CCSER1: variants seen among roughly 807,000 people sequenced by gnomAD.
CCSER1 encodes the protein coiled-coil serine rich protein 1.
Under a neutral mutation model 82.0 loss-of-function variants are expected in CCSER1, and 41 were observed. The ratio of observed to expected loss-of-function variants is 0.50; its 90% CI spans 0.39 to 0.65. The LOEUF (loss-of-function observed/expected upper bound fraction) is 0.65, where lower values mean the gene tolerates loss of function less well. Ranked by LOEUF, CCSER1 falls within the 30% of genes least tolerant of loss-of-function variation. The pLI is 0.00. For missense variants in CCSER1, 1,119 were observed against 1,064.2 expected, an observed-to-expected ratio of 1.05 and a Z score of -0.72; for synonymous variants, 414 against 383.9, an observed-to-expected ratio of 1.08 and a Z score of -0.92.
At chr4:91,106,398 A>G (rs1262525630) in intron 10 of CCSER1, among the ~76,000 whole-genome samples, 1 of 152,236 alleles carries the variant, frequency 6.6e-6, no homozygotes, top group Non-Finnish European at 1.5e-5. Context: ...ACTATGACTT[A>G]TAAGGAGAGA....
At chr4:91,510,854 T>C (rs1759781129) in intron 10 of CCSER1, among the ~76,000 whole-genome samples, 1 of 152,174 alleles carries the variant, frequency 6.6e-6, no homozygotes, top group African/African-American at 2.4e-5. Flanking sequence ...TTCTTGTAAA[T>C]GCTTTAGAAC....
chr4:91,280,823 A>G (rs1189691203), intron 10 of CCSER1, among the ~76,000 whole-genome samples: 1 of 152,134 alleles, frequency 6.6e-6, no homozygotes, highest in Non-Finnish European at 1.5e-5. Flanking sequence ...GGCTGTGGGA[A>G]GGGAATGTCA....
At chr4:91,089,195 G>A (rs369034636) in intron 10 of CCSER1, among the ~76,000 whole-genome samples, 29 of 152,268 alleles carry the variant, frequency 1.9e-4, no homozygotes, top group African/African-American at 6.0e-4. Context: ...CAATCTAGGC[G>A]GTATGTGACA....
chr4:90,841,136 C>CAGT (rs76663545), intron 8 of CCSER1, among the ~76,000 whole-genome samples: 41,115 of 151,840 alleles, frequency 0.27, 5,862 homozygotes, highest in South Asian at 0.33. Flanking sequence ...CTGAAAACCT[C>CAGT]AGCCAATGTA....
chr4:91,300,777 G>A (rs536536739), intron 10 of CCSER1, among the ~76,000 whole-genome samples: 6 of 151,816 alleles, frequency 4.0e-5, no homozygotes, highest in Admixed American at 2.6e-4. Context: ...TCGCCAAAGA[G>A]AATTTTCAAA....
At chr4:90,853,395 C>T (rs929333330) in intron 8 of CCSER1, among the ~76,000 whole-genome samples, 3 of 151,988 alleles carry the variant, frequency 2.0e-5, no homozygotes, top group South Asian at 2.1e-4. Flanking sequence ...TCCTATAATT[C>T]GTTTTAGTGA....
At chr4:90,727,111 A>G in intron 7 of CCSER1, 2 of 376,914 alleles carry the variant, frequency 5.3e-6, no homozygotes, top group Non-Finnish European at 1.0e-5. Flanking sequence ...AAGAACTGTC[A>G]GATTCTTTTA....
intron 7 of CCSER1, among the ~76,000 whole-genome samples, chr4:90,784,664 GAAC>G (rs897188248): frequency 2.0e-5 from 3 of 152,058 alleles, no homozygotes; most frequent in Admixed American, 6.5e-5. Flanking sequence ...TTTGACCCTT[GAAC>G]AACAAGGGAG....
Position 91,598,646 on chromosome 4 carries a change from G to C in CCSER1, c.2292G>C (p.Glu764Asp). The change falls in exon 11 of 11, where the codon GAG becomes GAC. Residue 764 changes from glutamate (E) to aspartate (D), a missense_variant. Coordinates refer to ENST00000509176, the MANE Select transcript of CCSER1 (RefSeq NM_001145065.2). ...RDRKAIHTPT[E>D]DRFRYSAADQ... ...GAAAAGCAATACATACTCCCACCGA[G>C]GACCGTTTTAGGTATTCGGCAGCGG... 1 of 1,551,390 alleles carries C rather than the reference G, an allele frequency of 6.4e-7. No homozygotes were observed. The highest frequency in any genetic ancestry group is 2.4e-5 in the East Asian group (1 of 40,898).
At chr4:91,550,370 G>A (rs1200555020) in intron 10 of CCSER1, among the ~76,000 whole-genome samples, 1 of 152,140 alleles carries the variant, frequency 6.6e-6, no homozygotes, top group African/African-American at 2.4e-5. Flanking sequence ...TCCTCAGGGG[G>A]TCTCCAGCAA....
intron 10 of CCSER1, among the ~76,000 whole-genome samples, chr4:91,195,160 C>T (rs551598028): frequency 2.0e-5 from 3 of 152,246 alleles, no homozygotes; most frequent in South Asian, 4.1e-4. Context: ...GAGCTAGTAA[C>T]ACTTCACTTT....
intron 4 of CCSER1, among the ~76,000 whole-genome samples, chr4:90,444,815 G>A (rs1207100141): frequency 6.6e-6 from 1 of 151,854 alleles, no homozygotes; most frequent in Non-Finnish European, 1.5e-5. Flanking sequence ...AAAATTACGG[G>A]CAACTATAAT....
chr4:91,060,192 G>T (rs73834772), intron 9 of CCSER1, among the ~76,000 whole-genome samples: 2,058 of 152,014 alleles, frequency 0.014, 49 homozygotes, highest in African/African-American at 0.046. Context: ...TATTCAACTA[G>T]CTATTATTAT....
intron 3 of CCSER1, among the ~76,000 whole-genome samples, chr4:90,348,538 GCA>G (rs1742829234): frequency 6.6e-6 from 1 of 151,886 alleles, no homozygotes; most frequent in Admixed American, 6.6e-5. Flanking sequence ...ACATTGTATT[GCA>G]CATAGTACTG....
chr4:91,180,709 C>A (rs1366916754), intron 10 of CCSER1, among the ~76,000 whole-genome samples: 1 of 151,920 alleles, frequency 6.6e-6, no homozygotes, highest in African/African-American at 2.4e-5. Context: ...GTCAGGGAGA[C>A]CCTAACTCAG....
intron 5 of CCSER1, among the ~76,000 whole-genome samples, chr4:90,516,260 A>G (rs1772251798): frequency 6.6e-6 from 1 of 152,186 alleles, no homozygotes; most frequent in African/African-American, 2.4e-5. Flanking sequence ...GCTTATAGAA[A>G]GGGTGCCCTT....
rs1452497998 is a variant in CCSER1 at position 90,710,301 on chromosome 4, TG to T, written c.1933-13612del. 2.0e-5 allele frequency among the ~76,000 whole-genome samples: 3 copies of T among 152,270 alleles called. No homozygotes were observed. In the East Asian group the frequency reaches 5.8e-4, roughly 29 times the overall value. ...GTTGTTGTTGTTTTTTGTTTTGTTT[TG>T]TTTTTTGCTGTGCAGCAGTTCTTTA... On this transcript the variant is annotated intron_variant, in intron 6 of 10. Coordinates refer to ENST00000509176, the MANE Select transcript of CCSER1 (RefSeq NM_001145065.2).
chr4:91,084,331 G>T (rs746060705), intron 9 of CCSER1, among the ~76,000 whole-genome samples: 1 of 152,116 alleles, frequency 6.6e-6, no homozygotes, highest in Non-Finnish European at 1.5e-5. Flanking sequence ...GGGATATGCT[G>T]TGCCTGGCCC....
chr4:91,440,186 C>T (rs1283762928), intron 10 of CCSER1, among the ~76,000 whole-genome samples: 1 of 152,126 alleles, frequency 6.6e-6, no homozygotes, highest in Non-Finnish European at 1.5e-5. Context: ...CACACCATGC[C>T]TATTCCAAAA....
Sources: gnomAD v4.1 joint callset for allele counts (sites outside exome capture counted in the v4.1 genomes callset) on GRCh38, gnomAD v4.1.1 for gene constraint, MANE v1.5 for transcripts, NCBI Gene and HGNC (gene_info 2026-07-23, HGNC 2026-07-21) for gene names.